BAZ2B: variants seen among roughly 807,000 people sequenced by gnomAD.
BAZ2B encodes bromodomain adjacent to zinc finger domain 2B.
BAZ2B carries 91 observed loss-of-function variants against 246.0 expected under a neutral mutation model. That is an observed-to-expected ratio of 0.37 (90% CI 0.31 to 0.44). BAZ2B has a LOEUF of 0.44. Ranked by LOEUF, BAZ2B falls within the 20% of genes least tolerant of loss-of-function variation. The pLI, the probability that BAZ2B is intolerant of heterozygous loss-of-function variation, is 1.00. For missense variants in BAZ2B, 2,332 were observed against 2,533.7 expected (o/e 0.92, Z 1.71); for synonymous variants, 855 against 860.0 (o/e 0.99, Z 0.10).
chr2:159,374,610 A>C lies in BAZ2B; in HGVS notation c.4068+81T>G. Reference sequence around the variant, plus strand: ...CACCAAAAGCCTATTTTTGCTTAGCAGTCAGAAAAACTAATCCCCTTACAA... The same window carrying C: ...CACCAAAAGCCTATTTTTGCTTAGCCGTCAGAAAAACTAATCCCCTTACAA... On this transcript the variant is annotated intron_variant, in intron 26 of 36. Coordinates refer to ENST00000392783, the MANE Select transcript of BAZ2B (RefSeq NM_013450.4). The C allele has an allele frequency of 2.5e-6, 3 of 1,215,454 alleles. No homozygotes were observed. In the South Asian group the frequency reaches 3.9e-5, roughly 16 times the overall value. The allele number at this position is 1,215,454 out of a possible 1,614,324, so 75.3% of individuals were successfully genotyped here. A position where few individuals can be genotyped will look rare whatever the true frequency, so the allele number is the denominator to read the frequency against.
chr2:159,358,653 A>C (rs1189271010), intron 27 of BAZ2B, among the ~76,000 whole-genome samples: 1 of 152,212 alleles, frequency 6.6e-6, no homozygotes, highest in Non-Finnish European at 1.5e-5. Context: ...AATCAACAGA[A>C]TATACATTCT....
intron 31 of BAZ2B, among the ~76,000 whole-genome samples, chr2:159,346,666 G>A: frequency 6.6e-6 from 1 of 152,090 alleles, no homozygotes; most frequent in East Asian, 1.9e-4. Context: ...TCCAGCCTGG[G>A]TGACAGCGTG....
At position 159,355,459 on chromosome 2, in the gene BAZ2B, T is replaced by G. The variant is rs186919887; in HGVS notation, c.4214-5102A>C. Among the ~76,000 whole-genome samples, 49 of 152,310 alleles carry G rather than the reference T, an allele frequency of 3.2e-4. 1 individual carries two copies. In the East Asian group the frequency reaches 5.4e-3, roughly 17 times the overall value. The stretch of plus-strand genomic sequence containing the variant: ...CAGGCTGATCCAGAAAATTTTAAGA[T>G]GATAACATAAAACCATTACCCTTAA... On this transcript the variant is annotated intron_variant, in intron 27 of 36. Coordinates refer to ENST00000392783, the MANE Select transcript of BAZ2B (RefSeq NM_013450.4).
chr2:159,668,080 C>T, the BAZ2B span, among the ~76,000 whole-genome samples: 5 of 152,062 alleles, frequency 3.3e-5, no homozygotes, highest in East Asian at 1.9e-4. Context: ...TGTAGTTTAA[C>T]GGGTAGAGAT....
intron 1 of BAZ2B, among the ~76,000 whole-genome samples, chr2:159,569,162 T>C (rs1683331655): frequency 6.6e-6 from 1 of 152,214 alleles, no homozygotes; most frequent in Non-Finnish European, 1.5e-5. Context: ...TCAGCGATGT[T>C]CTCAAAACAA....
chr2:159,409,227 T>C (rs1235504734), intron 14 of BAZ2B, among the ~76,000 whole-genome samples: 1 of 152,202 alleles, frequency 6.6e-6, no homozygotes, highest in Non-Finnish European at 1.5e-5. Flanking sequence ...TTTTTAAACA[T>C]TTTGACATCT....
intron 2 of BAZ2B, among the ~76,000 whole-genome samples, chr2:159,500,553 A>C (rs2081597237): frequency 6.6e-6 from 1 of 152,220 alleles, no homozygotes; most frequent in African/African-American, 2.4e-5. Context: ...ATATGGAAGA[A>C]TGAAGACCCT....
the BAZ2B span, among the ~76,000 whole-genome samples, chr2:159,658,854 A>G: frequency 8.2e-4 from 124 of 152,144 alleles, no homozygotes; most frequent in African/African-American, 2.7e-3. Context: ...GGGTCTCCCT[A>G]TGTTGCCTGG....
chr2:159,696,525 T>G, the BAZ2B span, among the ~76,000 whole-genome samples: 1 of 152,170 alleles, frequency 6.6e-6, no homozygotes, highest in Non-Finnish European at 1.5e-5. Context: ...CCCTGTAGTC[T>G]CCTCTGATCT....
At chr2:159,557,918 T>C (rs922795342) in intron 1 of BAZ2B, among the ~76,000 whole-genome samples, 1 of 151,706 alleles carries the variant, frequency 6.6e-6, no homozygotes, top group Admixed American at 6.6e-5. Context: ...TTTGGGAAGC[T>C]TAAAAAAAAA....
the BAZ2B span, chr2:159,710,719 T>C: frequency 0.46 from 69,476 of 152,014 alleles, 16,738 homozygotes; most frequent in Middle Eastern, 0.63. Flanking sequence ...ATACTCACTT[T>C]ATAATATCAT....
intron 25 of BAZ2B, among the ~76,000 whole-genome samples, chr2:159,375,317 A>G (rs1293466665): frequency 6.6e-6 from 1 of 152,234 alleles, no homozygotes; most frequent in Non-Finnish European, 1.5e-5. Flanking sequence ...AAGGCAGAGT[A>G]AGACTACTTT....
At chr2:159,533,637 G>T (rs2085607019) in intron 2 of BAZ2B, among the ~76,000 whole-genome samples, 1 of 151,980 alleles carries the variant, frequency 6.6e-6, no homozygotes, top group South Asian at 2.1e-4. Context: ...AAACAAAAAA[G>T]AAGAAGAAAG....
chr2:159,321,084 G>C (rs1469885513), intron 36 of BAZ2B, among the ~76,000 whole-genome samples: 1 of 152,140 alleles, frequency 6.6e-6, no homozygotes, highest in Non-Finnish European at 1.5e-5. Flanking sequence ...TTTTCTGGCG[G>C]GATAAGCCCA....
chr2:159,669,483 A>AT, the BAZ2B span, among the ~76,000 whole-genome samples: 47 of 150,282 alleles, frequency 3.1e-4, no homozygotes, highest in African/African-American at 6.6e-4. Context: ...GTCTTTATAG[A>AT]TTTTTTTTTT....
the BAZ2B span, among the ~76,000 whole-genome samples, chr2:159,636,515 A>AG: frequency 6.6e-6 from 1 of 151,914 alleles, no homozygotes; most frequent in African/African-American, 2.4e-5. Flanking sequence ...ACAGAGGGAA[A>AG]TCACTCATCG....
intron 2 of BAZ2B, among the ~76,000 whole-genome samples, chr2:159,516,065 G>A (rs2083414741): frequency 6.6e-6 from 1 of 151,906 alleles, no homozygotes; most frequent in African/African-American, 2.4e-5. Context: ...TGTATGAGCT[G>A]GTTGGATTTA....
intron 2 of BAZ2B, among the ~76,000 whole-genome samples, chr2:159,527,940 T>A (rs1198037702): frequency 2.6e-5 from 4 of 152,184 alleles, no homozygotes; most frequent in African/African-American, 9.7e-5. Context: ...CAGGAAGGGA[T>A]AACAGCACTC....
chr2:159,636,966 A>G, the BAZ2B span, among the ~76,000 whole-genome samples: 4 of 152,164 alleles, frequency 2.6e-5, no homozygotes, highest in South Asian at 8.3e-4. Context: ...CACTACCTTC[A>G]AGGGAAGGAC....
Sources: gnomAD v4.1 joint callset for allele counts (sites outside exome capture counted in the v4.1 genomes callset) on GRCh38, gnomAD v4.1.1 for gene constraint, MANE v1.5 for transcripts, NCBI Gene and HGNC (gene_info 2026-07-23, HGNC 2026-07-21) for gene names.